The following WDR72 variants were observed in gnomAD, a reference collection of about 807,000 sequenced individuals.
The protein encoded by WDR72 is WD repeat domain 72, also known as WD repeat-containing protein 72.
Under a neutral mutation model 124.2 loss-of-function variants are expected in WDR72, and 120 were observed. That is an observed-to-expected ratio of 0.97 (90% CI 0.83 to 1.12). The LOEUF is 1.12. WDR72 is among the 50% of genes most tolerant of loss of function. WDR72 has a pLI of 0.00. For synonymous variants in WDR72, 452 were observed against 441.7 expected (o/e 1.02, Z -0.29); for missense variants, 1,387 against 1,278.8 (o/e 1.08, Z -1.29).
At chr15:53,685,944 C>A (rs1350526716) in intron 13 of WDR72, among the ~76,000 whole-genome samples, 1 of 141,776 alleles carries the variant, frequency 7.1e-6, no homozygotes, top group Admixed American at 7.1e-5. Context: ...CCCAGAATTT[C>A]ATATCCAGCC....
Position 53,705,179 on chromosome 15 carries a change from G to C in WDR72, c.1157C>G (p.Thr386Ser), listed in dbSNP as rs1238260154. The change falls in exon 11 of 20, where the codon ACT becomes AGT. Residue 386 changes from threonine to serine, a missense_variant. By Grantham distance (58) the Thr-to-Ser change is moderately conservative (BLOSUM62 1). Coordinates refer to ENST00000360509, the MANE Select transcript of WDR72 (RefSeq NM_182758.4). Reference sequence around the variant, plus strand: ...ATAGTCAATAATACTTTGTGACATAGTATCATGCTTATCAAAATTATCTTG... The same window carrying C: ...ATAGTCAATAATACTTTGTGACATACTATCATGCTTATCAAAATTATCTTG... ...TLQDNFDKHD[T>S]MSQSIIDYFS... 6.2e-7 allele frequency: 1 copy of C among 1,613,974 alleles called. No individual in the cohort carries two copies. Among genetic ancestry groups the C allele is most frequent in the Non-Finnish European group, 8.5e-7 (1 of 1,179,990 alleles).
intron 17 of WDR72, among the ~76,000 whole-genome samples, chr15:53,600,240 GTCTC>G (rs900147509): frequency 6.6e-6 from 1 of 152,064 alleles, no homozygotes; most frequent in African/African-American, 2.4e-5. Context: ...CAGTACTTGA[GTCTC>G]TCTCTATAAA....
intron 1 of WDR72, among the ~76,000 whole-genome samples, chr15:53,735,283 A>G (rs967864337): frequency 6.6e-6 from 1 of 151,950 alleles, no homozygotes; most frequent in African/African-American, 2.4e-5. Flanking sequence ...AGAGCAAGAC[A>G]GGGGGGAAAA....
intron 11 of WDR72, among the ~76,000 whole-genome samples, chr15:53,704,353 A>C (rs898176023): frequency 6.6e-6 from 1 of 152,212 alleles, no homozygotes; most frequent in African/African-American, 2.4e-5. Flanking sequence ...TATAATTAAA[A>C]GACTGTATGT....
intron 3 of WDR72, 126 bp downstream of exon 3, chr15:53,722,676 G>A (rs1567048865): frequency 3.8e-6 from 3 of 795,246 alleles, no homozygotes; most frequent in Non-Finnish European, 6.6e-6. Context: ...ATATCTAAAT[G>A]TTCCTATATG....
chr15:53,751,239 T>G (rs1599432), intron 1 of WDR72, among the ~76,000 whole-genome samples: 257 of 146,828 alleles, frequency 1.8e-3, no homozygotes, highest in African/African-American at 6.1e-3. Context: ...TGAGACTACT[T>G]TAAAAAAAAA....
chr15:53,607,086 T>C (rs1282736290), intron 17 of WDR72, among the ~76,000 whole-genome samples: 2 of 152,070 alleles, frequency 1.3e-5, no homozygotes, highest in Non-Finnish European at 2.9e-5. Flanking sequence ...AAGAATAAAC[T>C]TCTAGTAAAC....
At chr15:53,656,226 C>T (rs2140435679) in intron 14 of WDR72, among the ~76,000 whole-genome samples, 1 of 152,028 alleles carries the variant, frequency 6.6e-6, no homozygotes. Context: ...AAGCTGTTTG[C>T]AGAATTATAT....
intron 14 of WDR72, among the ~76,000 whole-genome samples, chr15:53,637,893 T>C (rs2140405561): frequency 6.6e-6 from 1 of 152,316 alleles, no homozygotes; most frequent in Non-Finnish European, 1.5e-5. Context: ...TATTTTCTGG[T>C]GTGAACTATT....
chr15:53,572,311 C>A (rs1471040898), intron 18 of WDR72, among the ~76,000 whole-genome samples: 3 of 151,926 alleles, frequency 2.0e-5, no homozygotes, highest in Non-Finnish European at 2.9e-5. Context: ...CAGTAACATG[C>A]AGCTTTCCCC....
chr15:53,734,445 A>G (rs1567055720), intron 1 of WDR72, among the ~76,000 whole-genome samples: 1 of 152,174 alleles, frequency 6.6e-6, no homozygotes, highest in Non-Finnish European at 1.5e-5. Flanking sequence ...TTCTGATTTC[A>G]ATAATACTGT....
intron 6 of WDR72, among the ~76,000 whole-genome samples, chr15:53,714,039 C>CT (rs2017631483): frequency 6.6e-6 from 1 of 152,120 alleles, no homozygotes; most frequent in East Asian, 1.9e-4. Flanking sequence ...GATGAATATA[C>CT]TGGACTCCCC....
Position 53,722,875 on chromosome 15 carries a change from C to G in WDR72, c.187G>C (p.Ala63Pro). 1 of 1,614,098 alleles carries G rather than the reference C, an allele frequency of 6.2e-7. No individual in the cohort carries two copies. Among genetic ancestry groups the G allele is most frequent in the Non-Finnish European group, 8.5e-7 (1 of 1,180,000 alleles). ...GCTCTTGCCAAACATGTTACCGAAGCTGAATGACCAAATAGGAGTTCTTTC... is the reference window on the plus strand; with the variant it reads ...GCTCTTGCCAAACATGTTACCGAAGGTGAATGACCAAATAGGAGTTCTTTC... Reference protein sequence around the residue: ...SAKELLFGHSASVTCLARARD... With the variant: ...SAKELLFGHSPSVTCLARARD... The change falls in exon 3 of 20, where the codon GCT becomes CCT. Residue 63 changes from alanine (A) to proline (P), a missense_variant. Transcript: ENST00000360509.
At position 53,539,148 on chromosome 15, in the gene WDR72, T is replaced by C. The variant is rs772378011; in HGVS notation, c.3149-15826A>G. On this transcript the variant is annotated intron_variant, in intron 18 of 19. Transcript: ENST00000360509. ...AACTAAGATTTTCTATCCAGCAAAA[T>C]TGACTTTTAACTAGAAAGGCTGCAA... Among the ~76,000 whole-genome samples the C allele has an allele frequency of 3.3e-5, 5 of 152,104 alleles. 1 individual carries two copies. The South Asian group carries it at 6.2e-4, about 19-fold the overall frequency.
intron 14 of WDR72, among the ~76,000 whole-genome samples, chr15:53,628,885 G>A (rs1595804832): frequency 1.3e-5 from 2 of 151,908 alleles, no homozygotes; most frequent in South Asian, 4.1e-4. Context: ...GACCACAAAC[G>A]GGAAGAAACA....
intron 1 of WDR72, among the ~76,000 whole-genome samples, chr15:53,757,270 A>T (rs1272888797): frequency 2.6e-5 from 4 of 152,140 alleles, no homozygotes; most frequent in African/African-American, 7.2e-5. Flanking sequence ...CTGGGAAAAA[A>T]TAACCATACA....
At chr15:53,566,739 C>T (rs969909807) in intron 18 of WDR72, among the ~76,000 whole-genome samples, 3 of 151,910 alleles carry the variant, frequency 2.0e-5, no homozygotes, top group African/African-American at 4.8e-5. Context: ...ATCTCCAAAC[C>T]ATATTTTTAA....
At chr15:53,534,364 TTATAAAATAA>T (rs1248743263) in intron 18 of WDR72, among the ~76,000 whole-genome samples, 1 of 152,120 alleles carries the variant, frequency 6.6e-6, no homozygotes, top group African/African-American at 2.4e-5. Context: ...TTAGATAACT[TTATAAAATAA>T]TATGAGTCAT....
chr15:53,615,683 C>G lies in WDR72; in HGVS notation c.2523G>C (p.Leu841=). 6.2e-7 allele frequency: 1 copy of G among 1,611,776 alleles called. No homozygotes were observed. Among genetic ancestry groups the G allele is most frequent in the Non-Finnish European group, 8.5e-7 (1 of 1,178,904 alleles). ...GISLNEDNFS[L]MLPGWDLCNS... is the part of the protein sequence containing the mutation. Reference sequence around the variant, plus strand: ...TGCATAAATCCCAACCTGGCAACATCAGTGAGAAATTATCTTCATTCAAAG... The same window carrying G: ...TGCATAAATCCCAACCTGGCAACATGAGTGAGAAATTATCTTCATTCAAAG... The change falls in exon 15 of 20, where the codon CTG becomes CTC. Residue 841 remains leucine, a synonymous_variant. Transcript: ENST00000360509.
Sources: gnomAD v4.1 joint callset for allele counts (sites outside exome capture counted in the v4.1 genomes callset) on GRCh38, gnomAD v4.1.1 for gene constraint, MANE v1.5 for transcripts, NCBI Gene and HGNC (gene_info 2026-07-23, HGNC 2026-07-21) for gene names.